The following NXF1 variants were observed in gnomAD, a reference collection of about 807,000 sequenced individuals.
The protein encoded by NXF1 is mRNA export factor TAP.
A neutral mutation model predicts 92.4 loss-of-function variants in NXF1; 43 were observed. That is an observed-to-expected ratio of 0.47 (90% CI 0.36 to 0.60). NXF1 has a LOEUF of 0.60. NXF1 is among the 20% of genes least tolerant of loss of function. The pLI is 0.00. For missense variants in NXF1, 576 were observed against 793.0 expected (o/e 0.73, Z 3.29); for synonymous variants, 288 against 292.2 (o/e 0.99, Z 0.15).
At chr11:62,804,587 A>T (rs2084514000) in intron 1 of NXF1, among the ~76,000 whole-genome samples, 1 of 152,044 alleles carries the variant, frequency 6.6e-6, no homozygotes, top group Non-Finnish European at 1.5e-5. Context: ...AAGGTCCCTA[A>T]CTCCCAAAAG....
chr11:62,798,716 G>A (rs2084447270), intron 10 of NXF1, 141 bp from the exon 11 acceptor site: 2 of 1,465,898 alleles, frequency 1.4e-6, no homozygotes, highest in Middle Eastern at 4.5e-4. Flanking sequence ...CTGTGCTCAG[G>A]GAAAAATGGC....
In NXF1 at chr11:62,792,421, C is replaced by T. The variant is rs566667813; in HGVS notation, c.*55G>A. 1.1e-5 allele frequency: 18 copies of T among 1,603,526 alleles called. No individual in the cohort carries two copies. The Admixed American group carries it at 1.5e-4, about 13-fold the overall frequency. On this transcript the variant is annotated 3_prime_UTR_variant, in exon 21 of 21. Transcript: ENST00000294172. ...GAGGAGATGACAGACGACAACCAGA[C>T]GGTAATATCCAAGGACTATTTACAG...
intron 10 of NXF1, 22 bp from the exon 11 acceptor site, chr11:62,798,597 T>C: frequency 6.2e-7 from 1 of 1,613,474 alleles, no homozygotes; most frequent in South Asian, 1.1e-5. Context: ...GGGACAGAAG[T>C]GAGTGATGCT....
chr11:62,794,236 C>T (rs2084398281), intron 19 of NXF1, 22 bp downstream of exon 19: 11 of 1,602,476 alleles, frequency 6.9e-6, no homozygotes, highest in Non-Finnish European at 9.4e-6. Flanking sequence ...GCATCCCCAT[C>T]CTACACATGC....
At position 62,800,490 on chromosome 11, in the gene NXF1, C is replaced by T. The variant is rs2084467203; in HGVS notation, c.907-4G>A. 6.2e-7 allele frequency: 1 copy of T among 1,609,826 alleles called. No homozygotes were observed. The highest frequency in any genetic ancestry group is 8.5e-7 in the Non-Finnish European group (1 of 1,177,030). The stretch of plus-strand genomic sequence containing the variant: ...CCAATTCCCGCTCAGACTTCAACTG[C>T]AAAGGGTGGAAGGAACAAAGGGAGG... On this transcript the variant is annotated splice_polypyrimidine_tract_variant and splice_region_variant and intron_variant, in intron 9 of 20. Transcript: ENST00000294172.
Position 62,800,360 on chromosome 11 carries a change from CACAGGCT to C in NXF1, c.1016+10_1016+16del. The stretch of plus-strand genomic sequence containing the variant: ...GGGTGAAGGTCCCCAGGAGGGGAGA[CACAGGCT>C]ACAACTGACCTGATGTAGGTGGACT... On this transcript the variant is annotated intron_variant, in intron 10 of 20. Coordinates refer to ENST00000294172, the MANE Select transcript of NXF1 (RefSeq NM_006362.5). The C allele has an allele frequency of 6.2e-7, 1 of 1,613,926 alleles. No homozygotes were observed. The highest frequency in any genetic ancestry group is 2.2e-5 in the East Asian group (1 of 44,846).
chr11:62,803,333 A>T, intron 3 of NXF1, 86 bp downstream of exon 3: 1 of 1,148,848 alleles, frequency 8.7e-7, no homozygotes, highest in South Asian at 1.5e-5. Flanking sequence ...TAATAATAAT[A>T]ATTTTTGTGG....
intron 9 of NXF1, 142 bp from the exon 10 acceptor site, chr11:62,800,628 G>A (rs1233745864): frequency 5.1e-6 from 3 of 582,702 alleles, no homozygotes; most frequent in Non-Finnish European, 8.9e-6. Flanking sequence ...TTTTGGGACA[G>A]GGTCTCACTC....
At position 62,801,803 on chromosome 11, in the gene NXF1, T is replaced by C; in HGVS notation, c.575A>G (p.Asn192Ser). 1.9e-6 allele frequency: 3 copies of C among 1,613,446 alleles called. No individual in the cohort carries two copies. Among genetic ancestry groups the C allele is most frequent in the East Asian group, 2.2e-5 (1 of 44,874 alleles). The change falls in exon 6 of 21, where the codon AAC becomes AGC. Residue 192 changes from asparagine to serine, a missense_variant. Transcript: ENST00000294172. ...RENRRISIII[N>S]SSAPPHTILN... The stretch of plus-strand genomic sequence containing the variant: ...TATAGTGTGGGGTGGAGCAGAAGAG[T>C]TGATGATGATAGATATCTGGAGGGA...
At chr11:62,803,205 G>C (rs987987915) in intron 3 of NXF1, among the ~76,000 whole-genome samples, 27 of 152,236 alleles carry the variant, frequency 1.8e-4, no homozygotes, top group African/African-American at 6.3e-4. Context: ...TGTAGTCCCA[G>C]CTACTCGGGA....
At chr11:62,793,203 C>T (rs533588543) in intron 19 of NXF1, among the ~76,000 whole-genome samples, 22 of 152,198 alleles carry the variant, frequency 1.4e-4, no homozygotes, top group African/African-American at 5.3e-4. Context: ...CTCAGCCTCC[C>T]GAGTAGTTGG....
At chr11:62,803,136 C>G (rs1482255999) in intron 3 of NXF1, among the ~76,000 whole-genome samples, 1 of 151,938 alleles carries the variant, frequency 6.6e-6, no homozygotes, top group Non-Finnish European at 1.5e-5. Flanking sequence ...CTGGCCAATA[C>G]AGTGAAACCC....
In NXF1 at chr11:62,805,434, C is replaced by G. The variant is rs1254555107; in HGVS notation, c.-78G>C. 6 of 1,592,710 alleles carry G rather than the reference C, an allele frequency of 3.8e-6. No homozygotes were observed. The African/African-American group carries it at 6.8e-5, about 18-fold the overall frequency. On this transcript the variant is annotated 5_prime_UTR_variant, in exon 1 of 21. Coordinates refer to ENST00000294172, the MANE Select transcript of NXF1 (RefSeq NM_006362.5). ...CAACCTAACTCCCAAGCGCTCAGGACCGAAGTGTCCCTACGCCGGGCGCCA... is the reference window on the plus strand; with the variant it reads ...CAACCTAACTCCCAAGCGCTCAGGAGCGAAGTGTCCCTACGCCGGGCGCCA...
At chr11:62,798,616 A>G (rs757985494) in intron 10 of NXF1, 41 bp from the exon 11 acceptor site, 13 of 1,612,974 alleles carry the variant, frequency 8.1e-6, no homozygotes, top group Middle Eastern at 3.3e-4. Context: ...CTTCAGAGCC[A>G]CCGTGCCTCC....
At chr11:62,799,550 C>G in intron 10 of NXF1, 1 of 985,660 alleles carries the variant, frequency 1.0e-6, no homozygotes, top group Non-Finnish European at 1.2e-6. Context: ...TGTTCCTTCC[C>G]TGAGGAATCT....
chr11:62,801,003 G>GT, intron 9 of NXF1, 91 bp downstream of exon 9: 1 of 956,678 alleles, frequency 1.0e-6, no homozygotes, highest in South Asian at 1.4e-5. Context: ...TCTGGCCTGA[G>GT]TTCTCTCTCT....
At chr11:62,800,269 C>A in intron 10 of NXF1, 108 bp downstream of exon 10, 1 of 1,548,576 alleles carries the variant, frequency 6.5e-7, no homozygotes, top group South Asian at 1.2e-5. Flanking sequence ...ACAGGTGGTT[C>A]CAGCTCAGGG....
At chr11:62,794,073 G>A (rs893593773) in intron 19 of NXF1, among the ~76,000 whole-genome samples, 185 bp downstream of exon 19, 1 of 151,958 alleles carries the variant, frequency 6.6e-6, no homozygotes, top group Admixed American at 6.6e-5. Context: ...AGGCTGAGGT[G>A]GGAGGACAGC....
Position 62,794,686 on chromosome 11 carries a change from T to G in NXF1, c.1578-246A>C. The G allele has an allele frequency of 5.1e-6, 3 of 584,796 alleles. No individual in the cohort carries two copies. In the South Asian group the frequency reaches 6.8e-5, roughly 13 times the overall value. The allele number at this position is 584,796 out of a possible 1,614,324, so 36.2% of individuals were successfully genotyped here. A position where few individuals can be genotyped will look rare whatever the true frequency, so the allele number is the denominator to read the frequency against. ...TCATCCTCACAACAAACTTAGGAAA[T>G]GAATATTGTTATATGAATTTTCAGA... On this transcript the variant is annotated intron_variant, in intron 18 of 20. Transcript: ENST00000294172.
Sources: gnomAD v4.1 joint callset for allele counts (sites outside exome capture counted in the v4.1 genomes callset) on GRCh38, gnomAD v4.1.1 for gene constraint, MANE v1.5 for transcripts, NCBI Gene and HGNC (gene_info 2026-07-23, HGNC 2026-07-21) for gene names.